CADPS: variants seen among roughly 807,000 people sequenced by gnomAD.
CADPS encodes calcium dependent secretion activator, also known as calcium-dependent secretion activator 1.
A neutral mutation model predicts 167.3 loss-of-function variants in CADPS; 57 were observed. The observed-to-expected ratio is 0.34, with a 90% CI of 0.28 to 0.42. The LOEUF is 0.42. Ranked by LOEUF, CADPS falls within the 20% of genes least tolerant of loss-of-function variation. CADPS has a pLI of 1.00. For synonymous variants in CADPS, 676 were observed against 635.3 expected (o/e 1.06, Z -0.96); for missense variants, 1,414 against 1,738.1 (o/e 0.81, Z 3.32).
chr3:62,837,435 T>G (rs570046277), intron 1 of CADPS, among the ~76,000 whole-genome samples: 1 of 152,276 alleles, frequency 6.6e-6, no homozygotes, highest in East Asian at 1.9e-4. Flanking sequence ...CCAGGGCACT[T>G]AATAGCCCTA....
At chr3:62,620,241 A>T (rs1416931206) in intron 6 of CADPS, among the ~76,000 whole-genome samples, 1 of 152,104 alleles carries the variant, frequency 6.6e-6, no homozygotes, top group East Asian at 1.9e-4. Flanking sequence ...GATCTCTTCC[A>T]GTTCACTCAT....
Position 62,474,153 on chromosome 3 carries a change from ATTTTTTT to A in CADPS, c.3477+13_3477+19del. ...AATGAAGAGGGAAAAAAAAATCTGT[ATTTTTTT>A]TTTTTTTTTTACCTCTTGGCCCATT... On this transcript the variant is annotated intron_variant, in intron 24 of 29. Coordinates refer to ENST00000383710, the MANE Select transcript of CADPS (RefSeq NM_003716.4). 2 of 735,978 alleles carry A rather than the reference ATTTTTTT, an allele frequency of 2.7e-6. No individual in the cohort carries two copies. The highest frequency in any genetic ancestry group is 3.6e-6 in the Non-Finnish European group (2 of 549,870). The allele number at this position is 735,978 out of a possible 1,614,324, so 45.6% of individuals were successfully genotyped here. A position where few individuals can be genotyped will look rare whatever the true frequency, so the allele number is the denominator to read the frequency against.
At chr3:62,677,326 C>T (rs755302630) in intron 3 of CADPS, among the ~76,000 whole-genome samples, 3 of 151,940 alleles carry the variant, frequency 2.0e-5, no homozygotes, top group Non-Finnish European at 2.9e-5. Flanking sequence ...ACCAAAAAAC[C>T]AGAAAAACCC....
intron 3 of CADPS, among the ~76,000 whole-genome samples, chr3:62,692,424 G>C (rs1580539131): frequency 6.6e-6 from 1 of 152,098 alleles, no homozygotes; most frequent in Admixed American, 6.5e-5. Context: ...TAATTCATCT[G>C]CATTCTTTCC....
At chr3:62,841,878 G>A (rs914086454) in intron 1 of CADPS, among the ~76,000 whole-genome samples, 3 of 152,176 alleles carry the variant, frequency 2.0e-5, no homozygotes, top group African/African-American at 4.8e-5. Flanking sequence ...GTTCTCTCTC[G>A]CTAAAAAATG....
In CADPS at chr3:62,509,271, T is replaced by C. The variant is rs1286873024; in HGVS notation, c.2599+3480A>G. On this transcript the variant is annotated intron_variant, in intron 17 of 29. Coordinates refer to ENST00000383710, the MANE Select transcript of CADPS (RefSeq NM_003716.4). ...GTGAGCCAGGATCCTATCACTGTAC[T>C]CTAAAGCAAGACTCTGTCTCAAAAA... is the stretch of plus-strand genomic sequence containing the variant. Among the ~76,000 whole-genome samples the C allele has an allele frequency of 1.1e-4, 15 of 133,912 alleles. No homozygotes were observed. In the East Asian group the frequency reaches 3.0e-3, roughly 27 times the overall value. The allele number at this position is 133,912 out of a possible 152,430, so 87.9% of individuals were successfully genotyped here. A position where few individuals can be genotyped will look rare whatever the true frequency, so the allele number is the denominator to read the frequency against.
In CADPS at chr3:62,552,882, T is replaced by G. The variant is rs578248481; in HGVS notation, c.1754-2767A>C. On this transcript the variant is annotated intron_variant, in intron 10 of 29. Transcript: ENST00000383710. ...TTGCTTAATTTCATATGGAAAGTTT[T>G]AAAATACCTAATTTGAGTAGGATGA... 2.0e-5 allele frequency among the ~76,000 whole-genome samples: 3 copies of G among 152,332 alleles called. No individual in the cohort carries two copies. The South Asian group carries it at 6.2e-4, about 32-fold the overall frequency.
chr3:62,680,639 C>A (rs1191236489), intron 3 of CADPS, among the ~76,000 whole-genome samples: 1 of 152,056 alleles, frequency 6.6e-6, no homozygotes, highest in African/African-American at 2.4e-5. Context: ...TTGTCTCCCT[C>A]CCTCCTCTCT....
At chr3:62,743,125 A>T (rs1217418530) in intron 3 of CADPS, among the ~76,000 whole-genome samples, 1 of 152,198 alleles carries the variant, frequency 6.6e-6, no homozygotes, top group East Asian at 1.9e-4. Context: ...AAAAAATAAC[A>T]GATGTTGGAA....
chr3:62,780,228 C>T (rs2091302843), intron 1 of CADPS, among the ~76,000 whole-genome samples: 1 of 152,034 alleles, frequency 6.6e-6, no homozygotes, highest in Non-Finnish European at 1.5e-5. Context: ...ACAGCCTGGG[C>T]AACATAGCAA....
intron 29 of CADPS, among the ~76,000 whole-genome samples, chr3:62,402,207 G>C (rs1202003162): frequency 1.7e-5 from 2 of 115,020 alleles, no homozygotes; most frequent in African/African-American, 6.6e-5. Flanking sequence ...AAATGGTGCT[G>C]ATCCAAAAGA....
At chr3:62,732,040 G>C (rs916508735) in intron 3 of CADPS, among the ~76,000 whole-genome samples, 16 of 152,060 alleles carry the variant, frequency 1.1e-4, no homozygotes, top group African/African-American at 3.9e-4. Flanking sequence ...AGACCTATCA[G>C]AACTTTCACA....
At chr3:62,423,910 A>C (rs897596214) in intron 28 of CADPS, among the ~76,000 whole-genome samples, 1 of 152,258 alleles carries the variant, frequency 6.6e-6, no homozygotes, top group African/African-American at 2.4e-5. Flanking sequence ...TACATTTAGA[A>C]AACTCTAAAT....
At chr3:62,787,123 GTC>G (rs1324427113) in intron 1 of CADPS, among the ~76,000 whole-genome samples, 1 of 151,848 alleles carries the variant, frequency 6.6e-6, no homozygotes, top group Admixed American at 6.6e-5. Flanking sequence ...GCGAAAACCT[GTC>G]TCTACCAAAA....
At chr3:62,501,299 T>C (rs923035497) in intron 17 of CADPS, among the ~76,000 whole-genome samples, 1 of 152,254 alleles carries the variant, frequency 6.6e-6, no homozygotes, top group African/African-American at 2.4e-5. Flanking sequence ...TGTTAGTAAT[T>C]TGATAAATAG....
chr3:62,431,061 G>A (rs1277374803), intron 28 of CADPS, among the ~76,000 whole-genome samples: 1 of 151,752 alleles, frequency 6.6e-6, no homozygotes, highest in Non-Finnish European at 1.5e-5. Context: ...GGATAGAGAT[G>A]AGGTCACAGT....
chr3:62,670,754 T>A (rs1194397956), intron 3 of CADPS, among the ~76,000 whole-genome samples: 1 of 152,120 alleles, frequency 6.6e-6, no homozygotes, highest in Non-Finnish European at 1.5e-5. Flanking sequence ...TCTTTCCCCA[T>A]CTTCCCCGCA....
At chr3:62,598,636 G>C (rs1353748949) in intron 6 of CADPS, among the ~76,000 whole-genome samples, 1 of 152,206 alleles carries the variant, frequency 6.6e-6, no homozygotes, top group Non-Finnish European at 1.5e-5. Context: ...TGGACATCCT[G>C]TGAAATGCCT....
At chr3:62,680,357 AT>A (rs1280260595) in intron 3 of CADPS, among the ~76,000 whole-genome samples, 1 of 152,044 alleles carries the variant, frequency 6.6e-6, no homozygotes, top group Non-Finnish European at 1.5e-5. Flanking sequence ...AAGTGAACAC[AT>A]TGGCCCACCC....
Sources: allele counts gnomAD v4.1 joint callset (sites outside exome capture counted in the v4.1 genomes callset), GRCh38; gene constraint gnomAD v4.1.1; transcripts MANE v1.5; gene names NCBI Gene and HGNC (gene_info 2026-07-23, HGNC 2026-07-21).